RBM4: variants seen among roughly 807,000 people sequenced by gnomAD.
RBM4 encodes RNA binding motif protein 4, also known as RNA-binding protein 4.
Under a neutral mutation model 29.5 loss-of-function variants are expected in RBM4, and 7 were observed. The observed-to-expected ratio is 0.24, with a 90% confidence interval of 0.14 to 0.45. The LOEUF is 0.45. RBM4 is among the 20% of genes least tolerant of loss of function. The pLI is 1.00. For missense variants in RBM4, 387 were observed against 502.3 expected, an observed-to-expected ratio of 0.77 and a Z score of 2.19; for synonymous variants, 220 against 205.4, an observed-to-expected ratio of 1.07 and a Z score of -0.61.
chr11:66,639,351 A>G (rs567996066), intron 1 of RBM4: 36 of 234,452 alleles, frequency 1.5e-4, no homozygotes, highest in Non-Finnish European at 2.8e-4. Flanking sequence ...CAAGCCTAGT[A>G]GACTTTTGTT....
At chr11:66,664,171 G>GT (rs767344100) in intron 2 of RBM4, among the ~76,000 whole-genome samples, 12,888 of 113,530 alleles carry the variant, frequency 0.11, 1,163 homozygotes, top group Non-Finnish European at 0.16. Flanking sequence ...ATGCCCAGCT[G>GT]TTTTTTTTTT....
rs529540376 is a variant in RBM4, at chr11:66,643,426, C to T, written c.413-24C>T. On this transcript the variant is annotated intron_variant, in intron 2 of 3. Transcript: ENST00000310092. The surrounding 1 kb of genome is among the most constrained non-coding windows in gnomAD (Gnocchi z 6.1). ...GGCTATGACTAAGAGTGATAGCAAC[C>T]CTTCTTGCGTCTGTTTCTTCAAGGC... 10 of 1,580,796 alleles carry T rather than the reference C, an allele frequency of 6.3e-6. No homozygotes were observed. Among genetic ancestry groups the T allele is most frequent in the Non-Finnish European group, 8.6e-6 (10 of 1,160,466 alleles).
At chr11:66,646,725 A>G (rs1460204704), downstream of RBM4, among the ~76,000 whole-genome samples, 1 of 152,142 alleles carries the variant, frequency 6.6e-6, no homozygotes, top group Non-Finnish European at 1.5e-5. Context: ...TAGTTTACAG[A>G]TGTAGGTCTT....
chr11:66,657,525 T>C (rs1270354067), intron 2 of RBM4, among the ~76,000 whole-genome samples: 1 of 151,380 alleles, frequency 6.6e-6, no homozygotes, highest in Non-Finnish European at 1.5e-5. Context: ...CTACTAAAAA[T>C]GTAAAATATT....
At chr11:66,651,087 T>C (rs1002303741), downstream of RBM4, among the ~76,000 whole-genome samples, 1 of 151,952 alleles carries the variant, frequency 6.6e-6, no homozygotes, top group Admixed American at 6.6e-5. Context: ...CCAGGCTCCT[T>C]ACCCTAGAGC....
chr11:66,646,469 G>A, downstream of RBM4: 1 of 1,001,152 alleles, frequency 1.0e-6, no homozygotes, highest in Non-Finnish European at 1.2e-6. Flanking sequence ...TTTCAACTTA[G>A]GGTATGTGTG....
Position 66,643,512 on chromosome 11 carries a change from C to A in RBM4, c.475C>A (p.Gln159Lys). Reference protein sequence around the residue: ...RLRTAPGMGDQSGCYRCGKEG... With the variant: ...RLRTAPGMGDKSGCYRCGKEG... Reference sequence around the variant, plus strand: ...TAGGACTGCGCCCGGGATGGGAGACCAGAGCGGCTGCTATCGGTGCGGGAA... The same window carrying A: ...TAGGACTGCGCCCGGGATGGGAGACAAGAGCGGCTGCTATCGGTGCGGGAA... The change falls in exon 3 of 4, where the codon CAG becomes AAG. Residue 159 changes from glutamine to lysine, a missense_variant. This residue lies in a region of RBM4 where 106 missense variants were observed against 213.6 expected (regional missense o/e 0.50). Transcript: ENST00000310092. This position sits in a 1 kb window ranked among gnomAD's most constrained non-coding sequence, Gnocchi z 6.1. The A allele has an allele frequency of 6.2e-7, 1 of 1,614,024 alleles. No individual in the cohort carries two copies. Among genetic ancestry groups the A allele is most frequent in the Non-Finnish European group, 8.5e-7 (1 of 1,179,984 alleles).
intron 2 of RBM4, chr11:66,640,415 CTTTTTTA>C: frequency 3.8e-6 from 2 of 524,572 alleles, no homozygotes; most frequent in African/African-American, 1.9e-5. Flanking sequence ...GTTACTGGGC[CTTTTTTA>C]TTTTTTATTT....
chr11:66,642,983 G>A (rs1484888764), intron 2 of RBM4, among the ~76,000 whole-genome samples: 1 of 152,142 alleles, frequency 6.6e-6, no homozygotes, highest in Non-Finnish European at 1.5e-5. Context: ...GGTAATCATT[G>A]GAGTCTTTTA....
chr11:66,665,734 T>C (rs909430648), intron 2 of RBM4: 1 of 1,348,996 alleles, frequency 7.4e-7, no homozygotes, highest in Non-Finnish European at 1.0e-6. Flanking sequence ...CCCATGTAAT[T>C]ACCTAGGAGT....
intron 2 of RBM4, among the ~76,000 whole-genome samples, chr11:66,658,952 A>T (rs1290568700): frequency 6.9e-6 from 1 of 144,458 alleles, no homozygotes; most frequent in South Asian, 2.2e-4. Context: ...AAAAAAATAT[A>T]TATATATATA....
chr11:66,667,624 T>C (rs1939284375), exon 3 of RBM4: 1 of 151,968 alleles, frequency 6.6e-6, no homozygotes, highest in Non-Finnish European at 1.5e-5. Context: ...TTAAAATTTA[T>C]AGGACTTCCT....
At chr11:66,656,934 A>G (rs1003759937) in intron 2 of RBM4, among the ~76,000 whole-genome samples, 1 of 151,912 alleles carries the variant, frequency 6.6e-6, no homozygotes, top group Non-Finnish European at 1.5e-5. Context: ...TGCTGGGATT[A>G]TAGGCACAGT....
rs190969362 is a variant in RBM4, at chr11:66,663,565, G to A, written c.413-2291G>A. ...ATTTTAGTCTTGATCTCCTGACCTC[G>A]TGATTCGTGTGCCTTGGCCTCCCAA... On this transcript the variant is annotated intron_variant, in intron 2 of 2. Coordinates refer to the RBM4 transcript ENST00000396053. Among the ~76,000 whole-genome samples the A allele has an allele frequency of 1.1e-3, 172 of 152,124 alleles. 5 individuals are homozygous for A. The highest frequency in any genetic ancestry group is 8.4e-4 in the Non-Finnish European group (57 of 68,004).
chr11:66,661,200 C>T (rs184846768), intron 2 of RBM4, among the ~76,000 whole-genome samples: 1 of 152,280 alleles, frequency 6.6e-6, no homozygotes, highest in South Asian at 2.1e-4. Context: ...TTCTCCTCAG[C>T]GGCAGAGCCT....
chr11:66,649,631 G>T (rs1938783725), downstream of RBM4: 2 of 629,322 alleles, frequency 3.2e-6, no homozygotes, highest in East Asian at 2.8e-5. Context: ...CCAATCAAGT[G>T]TATCTTTGAG....
intron 2 of RBM4, among the ~76,000 whole-genome samples, chr11:66,664,322 G>A (rs988205034): frequency 6.6e-6 from 1 of 151,478 alleles, no homozygotes; most frequent in Admixed American, 6.6e-5. Flanking sequence ...GCTAATTTTT[G>A]TATTTTTAGT....
intron 2 of RBM4, among the ~76,000 whole-genome samples, chr11:66,664,748 C>T (rs1014670737): frequency 6.6e-6 from 1 of 152,238 alleles, no homozygotes; most frequent in African/African-American, 2.4e-5. Context: ...AGCCATCACG[C>T]CCAGCTGGCC....
intron 2 of RBM4, among the ~76,000 whole-genome samples, chr11:66,662,618 G>T (rs1939103991): frequency 6.6e-6 from 1 of 152,070 alleles, no homozygotes; most frequent in African/African-American, 2.4e-5. Flanking sequence ...GCCCAGGCTG[G>T]TCTCAAACTC....
Sources: allele counts gnomAD v4.1 joint callset (sites outside exome capture counted in the v4.1 genomes callset), GRCh38; gene constraint gnomAD v4.1.1; regional missense constraint gnomAD v4.1.1; non-coding constraint Gnocchi (gnomAD v3.1); transcripts MANE v1.5; gene names NCBI Gene and HGNC (gene_info 2026-07-23, HGNC 2026-07-21).